The following UNC5D variants were observed in gnomAD, a reference collection of about 807,000 sequenced individuals.
UNC5D encodes the protein netrin receptor UNC5D.
In UNC5D, 39 loss-of-function variants were observed where a neutral mutation model predicts 105.4. The ratio of observed to expected loss-of-function variants is 0.37; its 90% CI spans 0.29 to 0.48. UNC5D has a LOEUF of 0.48. UNC5D is among the 20% of genes least tolerant of loss of function. UNC5D has a pLI of 0.98. For missense variants in UNC5D, 991 were observed against 1,202.4 expected, an observed-to-expected ratio of 0.82 and a Z score of 2.60; for synonymous variants, 452 against 450.4, an observed-to-expected ratio of 1.00 and a Z score of -0.04.
At chr8:35,753,578 A>T (rs1485697348) in intron 13 of UNC5D, among the ~76,000 whole-genome samples, 1 of 151,738 alleles carries the variant, frequency 6.6e-6, no homozygotes, top group Non-Finnish European at 1.5e-5. Flanking sequence ...AATTAGTAAA[A>T]CTCTTTAATT....
At chr8:35,451,219 T>G (rs1808132760) in intron 1 of UNC5D, among the ~76,000 whole-genome samples, 1 of 152,016 alleles carries the variant, frequency 6.6e-6, no homozygotes. Context: ...AATTTTGTAT[T>G]GTTAGTAGAG....
chr8:35,345,806 G>C (rs1811769073), intron 1 of UNC5D, among the ~76,000 whole-genome samples: 1 of 151,860 alleles, frequency 6.6e-6, no homozygotes, highest in Non-Finnish European at 1.5e-5. Context: ...CCAAAGTGAG[G>C]AACAGAGATT....
At chr8:35,548,864 C>G (rs1026024675) in intron 1 of UNC5D, among the ~76,000 whole-genome samples, 1 of 152,180 alleles carries the variant, frequency 6.6e-6, no homozygotes, top group East Asian at 1.9e-4. Flanking sequence ...CTGTTATCAT[C>G]CCTGTCATTC....
At chr8:35,659,946 T>C (rs1290515751) in intron 4 of UNC5D, among the ~76,000 whole-genome samples, 4 of 152,206 alleles carry the variant, frequency 2.6e-5, no homozygotes, top group African/African-American at 9.7e-5. Context: ...GGACAAGAAC[T>C]GGCATGAATG....
intron 1 of UNC5D, among the ~76,000 whole-genome samples, chr8:35,338,131 C>G (rs1262867150): frequency 6.6e-6 from 1 of 152,092 alleles, no homozygotes; most frequent in Non-Finnish European, 1.5e-5. Flanking sequence ...CCTTGGTTGT[C>G]TTTAATGTCT....
At chr8:35,551,860 A>AC (rs1491202924) in intron 2 of UNC5D, among the ~76,000 whole-genome samples, 1 of 152,010 alleles carries the variant, frequency 6.6e-6, no homozygotes, top group Non-Finnish European at 1.5e-5. Flanking sequence ...AAAAGAAGTT[A>AC]CCAGGGGATG....
rs752470911 is a variant in UNC5D, at chr8:35,339,075, G to C, written c.103+103188G>C. On this transcript the variant is annotated intron_variant, in intron 1 of 16. Coordinates refer to ENST00000404895, the MANE Select transcript of UNC5D (RefSeq NM_080872.4). ...TGGAAAAGAAAAGAAAGAGAACTTA[G>C]AGAACAGACCCATGTAATAGTTTGA... 6.0e-4 allele frequency among the ~76,000 whole-genome samples: 91 copies of C among 152,240 alleles called. 2 individuals are homozygous for C. Among genetic ancestry groups the C allele is most frequent in the Middle Eastern group, 6.8e-3 (2 of 292 alleles).
At chr8:35,755,189 A>G (rs1308255135) in intron 13 of UNC5D, among the ~76,000 whole-genome samples, 1 of 152,166 alleles carries the variant, frequency 6.6e-6, no homozygotes, top group Non-Finnish European at 1.5e-5. Context: ...TGCACAGCCC[A>G]AACAAACCTT....
chr8:35,483,235 A>T (rs1383345640), intron 1 of UNC5D, among the ~76,000 whole-genome samples: 4 of 152,164 alleles, frequency 2.6e-5, no homozygotes, highest in Non-Finnish European at 5.9e-5. Flanking sequence ...AGGGTGATAC[A>T]GAATTTACTC....
intron 1 of UNC5D, among the ~76,000 whole-genome samples, chr8:35,350,244 A>G (rs1440536147): frequency 6.6e-6 from 1 of 151,974 alleles, no homozygotes; most frequent in East Asian, 1.9e-4. Context: ...TTAAGTGTCC[A>G]TTAACTTAAG....
At chr8:35,416,040 T>C (rs1255395623) in intron 1 of UNC5D, among the ~76,000 whole-genome samples, 1 of 152,114 alleles carries the variant, frequency 6.6e-6, no homozygotes, top group African/African-American at 2.4e-5. Context: ...AGAAGGGTCA[T>C]AATTTGATTC....
intron 1 of UNC5D, among the ~76,000 whole-genome samples, chr8:35,281,824 G>T (rs1806199454): frequency 6.6e-6 from 1 of 152,140 alleles, no homozygotes; most frequent in Non-Finnish European, 1.5e-5. Flanking sequence ...TCCATTCCTA[G>T]CCTGCTTACT....
At chr8:35,633,800 A>G (rs987954741) in intron 4 of UNC5D, among the ~76,000 whole-genome samples, 2 of 152,064 alleles carry the variant, frequency 1.3e-5, no homozygotes, top group African/African-American at 2.4e-5. Flanking sequence ...ACCTAATACA[A>G]ACTTCTAGGA....
chr8:35,353,371 C>A (rs1812381179), intron 1 of UNC5D, among the ~76,000 whole-genome samples: 1 of 152,176 alleles, frequency 6.6e-6, no homozygotes, highest in Non-Finnish European at 1.5e-5. Flanking sequence ...TGTCACCCGC[C>A]AAATTGGCAA....
Position 35,235,758 on chromosome 8 carries a change from G to A in UNC5D, c.-27G>A. On this transcript the variant is annotated 5_prime_UTR_variant, in exon 1 of 17. Coordinates refer to ENST00000404895, the MANE Select transcript of UNC5D (RefSeq NM_080872.4). ...CCGGGCTCCCGGAGCGTGAAGAAGA[G>A]CCGCCCTCCGGAACGCGGCGAGGAG... 1 of 1,228,714 alleles carries A rather than the reference G, an allele frequency of 8.1e-7. No homozygotes were observed. Among genetic ancestry groups the A allele is most frequent in the Non-Finnish European group, 1.0e-6 (1 of 984,830 alleles). 76.1% of individuals were successfully genotyped at this position (1,228,714 alleles called of 1,614,324 possible). A position where few individuals can be genotyped will look rare whatever the true frequency, so the allele number is the denominator to read the frequency against.
intron 7 of UNC5D, among the ~76,000 whole-genome samples, chr8:35,695,216 G>A (rs1236440370): frequency 1.3e-5 from 2 of 152,126 alleles, no homozygotes; most frequent in Non-Finnish European, 2.9e-5. Context: ...CTTTCCTAGA[G>A]CTTCTGATAA....
rs541606695 is a variant in UNC5D, at chr8:35,743,167, A to T, written c.1767-5360A>T. Among the ~76,000 whole-genome samples, 48 of 152,308 alleles carry T rather than the reference A, an allele frequency of 3.2e-4. No homozygotes were observed. In the South Asian group the frequency reaches 8.3e-3, roughly 26 times the overall value. ...TATATTGTAGCCTAGAATGAAATGGACTTAACAGATATTTACAGAGCAGTC... is the reference window on the plus strand; with the variant it reads ...TATATTGTAGCCTAGAATGAAATGGTCTTAACAGATATTTACAGAGCAGTC... On this transcript the variant is annotated intron_variant, in intron 11 of 16. Transcript: ENST00000404895.
intron 1 of UNC5D, among the ~76,000 whole-genome samples, chr8:35,298,338 C>T (rs1460074243): frequency 6.6e-6 from 1 of 152,090 alleles, no homozygotes; most frequent in Non-Finnish European, 1.5e-5. Context: ...GGCTCTGAGC[C>T]TCTTTTTGTG....
chr8:35,701,775 T>G (rs1459228138), intron 7 of UNC5D, among the ~76,000 whole-genome samples: 1 of 151,816 alleles, frequency 6.6e-6, no homozygotes, highest in African/African-American at 2.4e-5. Flanking sequence ...CACTGGCAAT[T>G]TTATGTAGTT....
Sources: gnomAD v4.1 joint callset for allele counts (sites outside exome capture counted in the v4.1 genomes callset) on GRCh38, gnomAD v4.1.1 for gene constraint, MANE v1.5 for transcripts, NCBI Gene and HGNC (gene_info 2026-07-23, HGNC 2026-07-21) for gene names.